The following MARCO variants were observed in gnomAD, a reference collection of about 807,000 sequenced individuals.
MARCO encodes macrophage receptor MARCO.
A neutral mutation model predicts 70.0 loss-of-function variants in MARCO; 72 were observed. That is an observed-to-expected ratio of 1.03 (90% CI 0.85 to 1.25). The LOEUF (loss-of-function observed/expected upper bound fraction) is 1.25, where lower values mean the gene tolerates loss of function less well. Among genes scored for constraint, MARCO ranks in the 50% most tolerant of loss-of-function variants. The probability of loss-of-function intolerance (pLI) is 0.00; values close to 1 mark genes in which losing one functional copy is unlikely to be tolerated. For synonymous variants in MARCO, 273 were observed against 243.1 expected (o/e 1.12, Z -1.14); for missense variants, 696 against 659.3 (o/e 1.06, Z -0.61).
rs1680630840 is a variant in MARCO at position 118,991,982 on chromosome 2, GA to G, written c.1207+109del. 9 of 812,412 alleles carry G rather than the reference GA, an allele frequency of 1.1e-5. No individual in the cohort carries two copies. In the Middle Eastern group the frequency reaches 8.9e-4, roughly 80 times the overall value. The allele number at this position is 812,412 out of a possible 1,614,324, so 50.3% of individuals were successfully genotyped here. A position where few individuals can be genotyped will look rare whatever the true frequency, so the allele number is the denominator to read the frequency against. On this transcript the variant is annotated intron_variant, in intron 14 of 16. Coordinates refer to ENST00000327097, the MANE Select transcript of MARCO (RefSeq NM_006770.4). The stretch of plus-strand genomic sequence containing the variant: ...GTTTTAAGAGTTCTGGGGATTTTCA[GA>G]ACCCAGGAGGGTAGAGGTTTATTTC...
At chr2:118,983,420 T>C (rs1680431038) in intron 12 of MARCO, among the ~76,000 whole-genome samples, 2 of 152,188 alleles carry the variant, frequency 1.3e-5, no homozygotes, top group South Asian at 2.1e-4. Context: ...GCTTGAGCTT[T>C]TGTGTTTCTT....
intron 1 of MARCO, among the ~76,000 whole-genome samples, chr2:118,956,078 A>G (rs1679831302): frequency 1.3e-5 from 2 of 152,314 alleles, no homozygotes; most frequent in Admixed American, 6.5e-5. Context: ...CAAAATCAAA[A>G]AACCAAAATG....
intron 4 of MARCO, among the ~76,000 whole-genome samples, 200 bp downstream of exon 4, chr2:118,971,734 C>G (rs187224469): frequency 6.6e-6 from 1 of 152,312 alleles, no homozygotes; most frequent in East Asian, 1.9e-4. Flanking sequence ...GCTGTCATCC[C>G]CCTCCTTACT....
intron 8 of MARCO, among the ~76,000 whole-genome samples, chr2:118,978,538 G>A (rs1023968724): frequency 6.6e-6 from 1 of 152,242 alleles, no homozygotes; most frequent in South Asian, 2.1e-4. Flanking sequence ...GCCTCCTGCA[G>A]TCATTGGGGA....
chr2:118,971,065 G>A (rs1261467012), intron 3 of MARCO, among the ~76,000 whole-genome samples: 4 of 152,182 alleles, frequency 2.6e-5, no homozygotes, highest in East Asian at 3.9e-4. Flanking sequence ...GAGAAAAGAC[G>A]AAGGCTGAGT....
At chr2:118,994,127 CA>C (rs2104617941) in intron 16 of MARCO, among the ~76,000 whole-genome samples, 1 of 152,230 alleles carries the variant, frequency 6.6e-6, no homozygotes, top group Admixed American at 6.5e-5. Flanking sequence ...GGGGTTTAAG[CA>C]TTAAAGATTT....
chr2:118,945,404 C>CTTTTTTTTTTTTTTTTTTT (rs55684033), intron 1 of MARCO, among the ~76,000 whole-genome samples: 3 of 123,066 alleles, frequency 2.4e-5, no homozygotes, highest in Non-Finnish European at 1.7e-5. Flanking sequence ...CCTCTTGTTT[C>CTTTTTTTTTTTTTTTTTTT]TTTTTTTTTT....
chr2:118,971,591 G>A (rs1680172533), intron 4 of MARCO, 57 bp downstream of exon 4: 1 of 1,578,166 alleles, frequency 6.3e-7, no homozygotes, highest in Non-Finnish European at 8.7e-7. Context: ...TCCCCAAAAG[G>A]GCCCCTTGGC....
At chr2:118,955,425 T>C (rs1045661141) in intron 1 of MARCO, among the ~76,000 whole-genome samples, 2 of 151,936 alleles carry the variant, frequency 1.3e-5, no homozygotes, top group African/African-American at 4.8e-5. Flanking sequence ...TAAAAAAATA[T>C]GAACAAACCT....
rs70949954 is a variant in MARCO, at chr2:118,986,672, G to GGAAAGAAAGAAAGAAAGAAAGAAA, written c.1064-3888_1064-3865dup. Among the ~76,000 whole-genome samples, 5 of 48,692 alleles carry GGAAAGAAAGAAAGAAAGAAAGAAA rather than the reference G, an allele frequency of 1.0e-4. No homozygotes were observed. In the South Asian group the frequency reaches 2.9e-3, roughly 29 times the overall value. The allele number at this position is 48,692 out of a possible 152,430, so 31.9% of individuals were successfully genotyped here. A position where few individuals can be genotyped will look rare whatever the true frequency, so the allele number is the denominator to read the frequency against. The stretch of plus-strand genomic sequence containing the variant: ...AAGAAAGAAGGAAGGAAGGAAGGAA[G>GGAAAGAAAGAAAGAAAGAAAGAAA]GAAAGAAAGAAAGAAAGAAAGAAAG... On this transcript the variant is annotated intron_variant, in intron 12 of 16. Transcript: ENST00000327097.
intron 1 of MARCO, chr2:118,944,791 A>AG (rs1306730016): frequency 3.9e-5 from 6 of 152,182 alleles, no homozygotes; most frequent in African/African-American, 1.4e-4. Flanking sequence ...TCTTAAAAAA[A>AG]GGATGAGGAG....
intron 7 of MARCO, 60 bp downstream of exon 7, chr2:118,977,575 T>TGGGGGGGGG: frequency 7.0e-7 from 1 of 1,432,666 alleles, no homozygotes; most frequent in East Asian, 2.4e-5. Context: ...CTGAGGCAGT[T>TGGGGGGGGG]CCCCCCCACC....
rs754411836 is a variant in MARCO at position 118,981,588 on chromosome 2, A to G, written c.866-33A>G. 8.7e-6 allele frequency: 14 copies of G among 1,609,770 alleles called. 1 individual carries two copies. In the South Asian group the frequency reaches 1.6e-4, roughly 18 times the overall value. The stretch of plus-strand genomic sequence containing the variant: ...TTTCTGGCTGGCTGAGCCAAAGGAA[A>G]AAAAAATTCCTAAAAGTTCTTTTTC... On this transcript the variant is annotated intron_variant, in intron 9 of 16. Coordinates refer to ENST00000327097, the MANE Select transcript of MARCO (RefSeq NM_006770.4).
At chr2:118,990,540 C>T in intron 12 of MARCO, 49 bp from the exon 13 acceptor site, 1 of 1,577,194 alleles carries the variant, frequency 6.3e-7, no homozygotes, top group Non-Finnish European at 8.7e-7. Context: ...ATGTCTAATA[C>T]CTAAGTTTTA....
At chr2:118,986,648 A>AAG (rs1680499404) in intron 12 of MARCO, among the ~76,000 whole-genome samples, 2 of 39,310 alleles carry the variant, frequency 5.1e-5, no homozygotes, top group Admixed American at 2.7e-4. Context: ...AAAGAAAGAA[A>AAG]GAAAGAAGGA....
intron 12 of MARCO, among the ~76,000 whole-genome samples, chr2:118,986,658 AAG>A (rs1558671654): frequency 0.011 from 646 of 59,310 alleles, 8 homozygotes; most frequent in East Asian, 0.031. Context: ...AGAAAGAAGG[AAG>A]GAAGGAAGGA....
In MARCO at chr2:118,970,162, A is replaced by G. The variant is rs1309129053; in HGVS notation, c.248A>G (p.Asn83Ser). ...CGGGTCCTGGAGATGTATTTCCTCA[A>G]TGACACTCTGGCGGCTGAGGACAGC... ...RLRVLEMYFL[N>S]DTLAAEDSPS... Residue 83 changes from asparagine (N) to serine (S), a missense_variant, in exon 3 of 17, where the codon AAT becomes AGT. By Grantham distance (46) the Asn-to-Ser change is conservative. Coordinates refer to ENST00000327097, the MANE Select transcript of MARCO (RefSeq NM_006770.4). 6.2e-7 allele frequency: 1 copy of G among 1,614,028 alleles called. No individual in the cohort carries two copies. The highest frequency in any genetic ancestry group is 8.5e-7 in the Non-Finnish European group (1 of 1,180,004).
Position 118,982,181 on chromosome 2 carries a change from G to A in MARCO, c.927G>A (p.Pro309=), listed in dbSNP as rs542638512. ...GACAACCTGGACTGCAGGGTGTTCC[G>A]GGCCCTCCTGGTGCAGTGGGACACC... ...DQGQPGLQGV[P]GPPGAVGHPG... is the part of the protein sequence containing the mutation. Residue 309 remains proline, a synonymous_variant, in exon 11 of 17, where the codon CCG becomes CCA. Coordinates refer to ENST00000327097, the MANE Select transcript of MARCO (RefSeq NM_006770.4). 118 of 1,612,700 alleles carry A rather than the reference G, an allele frequency of 7.3e-5. 1 individual carries two copies. The South Asian group carries it at 1.0e-3, about 14-fold the overall frequency.
intron 12 of MARCO, among the ~76,000 whole-genome samples, chr2:118,987,927 G>C (rs549263103): frequency 3.3e-4 from 50 of 152,338 alleles, no homozygotes; most frequent in African/African-American, 1.2e-3. Context: ...CTCCAGATAG[G>C]AGTGAGCCTA....
Sources: allele counts gnomAD v4.1 joint callset (sites outside exome capture counted in the v4.1 genomes callset), GRCh38; gene constraint gnomAD v4.1.1; transcripts MANE v1.5; gene names NCBI Gene and HGNC (gene_info 2026-07-23, HGNC 2026-07-21).